The following SBNO2 variants were observed in gnomAD, a reference collection of about 807,000 sequenced individuals.
SBNO2 encodes the protein strawberry notch homolog 2, also known as protein strawberry notch homolog 2.
In SBNO2, 89 loss-of-function variants were observed where a neutral mutation model predicts 146.3. The observed-to-expected ratio is 0.61, with a 90% CI of 0.51 to 0.73. The LOEUF is 0.73. Among genes scored for constraint, SBNO2 ranks in the 30% least tolerant of loss-of-function variants. The pLI is 0.00. For synonymous variants in SBNO2, 1,147 were observed against 892.6 expected (o/e 1.29, Z -5.08); for missense variants, 2,092 against 2,003.7 (o/e 1.04, Z -0.84).
chr19:1,120,177 G>A (rs1055764820), intron 11 of SBNO2, 154 bp from the exon 12 acceptor site: 46 of 628,374 alleles, frequency 7.3e-5, no homozygotes, highest in Non-Finnish European at 1.1e-4. Flanking sequence ...AGTGGCAGCC[G>A]GCTACCATGG....
rs1247082353 is a variant in SBNO2 at position 1,164,678 on chromosome 19, G to GAGGAGGAGGAAC, written c.-127+9493_-127+9494insGTTCCTCCTCCT. 2.3e-4 allele frequency among the ~76,000 whole-genome samples: 21 copies of GAGGAGGAGGAAC among 90,646 alleles called. 1 individual carries two copies. Among genetic ancestry groups the GAGGAGGAGGAAC allele is most frequent in the Admixed American group, 4.2e-4 (3 of 7,178 alleles). 59.5% of individuals were successfully genotyped at this position (90,646 alleles called of 152,430 possible). A position where few individuals can be genotyped will look rare whatever the true frequency, so the allele number is the denominator to read the frequency against. ...GGAGGAGGAGGAGGAACAGGAGGAGGAGGAGGAGGAGGAGGAAGAACAGGA... is the reference window on the plus strand; with the variant it reads ...GGAGGAGGAGGAGGAACAGGAGGAGGAGGAGGAGGAACAGGAGGAGGAGGAGGAAGAACAGGA... On this transcript the variant is annotated intron_variant, in intron 1 of 31. Coordinates refer to ENST00000361757, the MANE Select transcript of SBNO2 (RefSeq NM_014963.3).
chr19:1,154,056 G>A, intron 2 of SBNO2, 128 bp downstream of exon 2: 1 of 431,626 alleles, frequency 2.3e-6, no homozygotes, highest in Non-Finnish European at 3.9e-6. Context: ...TCCGGGCCAG[G>A]AAGGTCAGGT....
At position 1,144,169 on chromosome 19, in the gene SBNO2, C is replaced by T. The variant is rs547400513; in HGVS notation, c.279+3140G>A. ...TCCCACACTTGGCACCGCGGGACCACGCATCCCGTCCCACACTCGACACCA... is the reference window on the plus strand; with the variant it reads ...TCCCACACTTGGCACCGCGGGACCATGCATCCCGTCCCACACTCGACACCA... On this transcript the variant is annotated intron_variant, in intron 4 of 31. Transcript: ENST00000361757. This position sits in a 1 kb window ranked among gnomAD's most constrained non-coding sequence, Gnocchi z 4.1. Among the ~76,000 whole-genome samples, 6 of 152,014 alleles carry T rather than the reference C, an allele frequency of 3.9e-5. No homozygotes were observed. The highest frequency in any genetic ancestry group is 1.4e-4 in the African/African-American group (6 of 41,450).
Position 1,109,891 on chromosome 19 carries a change from G to C in SBNO2, c.3029-114C>G. On this transcript the variant is annotated intron_variant, in intron 26 of 31. Coordinates refer to ENST00000361757, the MANE Select transcript of SBNO2 (RefSeq NM_014963.3). The surrounding 1 kb of genome is among the most constrained non-coding windows in gnomAD (Gnocchi z 4.2). The stretch of plus-strand genomic sequence containing the variant: ...GAGACGACCCCCCGAGAGCACAGGA[G>C]AGGGTGTCCTGGATCCTGGCCTGAC... 1.3e-6 allele frequency: 1 copy of C among 753,018 alleles called. No homozygotes were observed. Among genetic ancestry groups the C allele is most frequent in the Non-Finnish European group, 2.1e-6 (1 of 468,826 alleles). The allele number at this position is 753,018 out of a possible 1,614,324, so 46.6% of individuals were successfully genotyped here.
chr19:1,109,532 A>T lies in SBNO2; in HGVS notation c.3190T>A (p.Tyr1064Asn). Residue 1064 changes from tyrosine (Y) to asparagine (N), a missense_variant, in exon 28 of 32, where the codon TAT becomes AAT. By Grantham distance (143) the Tyr-to-Asn change is moderately radical. Coordinates refer to ENST00000361757, the MANE Select transcript of SBNO2 (RefSeq NM_014963.3). This position sits in a 1 kb window ranked among gnomAD's most constrained non-coding sequence, Gnocchi z 4.2. ...TTGTAGGAGAGGTAGAAGCCGTCATAGGGGCCCGTCAGCGCCAGCGACTTG... is the reference window on the plus strand; with the variant it reads ...TTGTAGGAGAGGTAGAAGCCGTCATTGGGGCCCGTCAGCGCCAGCGACTTG... Reference protein sequence around the residue: ...FAKSLALTGPYDGFYLSYKVR... With the variant: ...FAKSLALTGPNDGFYLSYKVR... The T allele has an allele frequency of 6.3e-7, 1 of 1,599,314 alleles. No individual in the cohort carries two copies.
Position 1,124,020 on chromosome 19 carries a change from C to T in SBNO2, c.444G>A (p.Leu148=), listed in dbSNP as rs746014748. 13 of 1,610,740 alleles carry T rather than the reference C, an allele frequency of 8.1e-6. No individual in the cohort carries two copies. The highest frequency in any genetic ancestry group is 1.7e-4 in the Middle Eastern group (1 of 6,012). Residue 148 remains leucine, a splice_region_variant and synonymous_variant, in exon 6 of 32, where the codon CTG becomes CTA. Coordinates refer to ENST00000361757, the MANE Select transcript of SBNO2 (RefSeq NM_014963.3). ...CTGCAAACGGCCTGCTGAGCTGGAACAGCTGGAAGGGGAGCAGGATGTCAG... is the reference window on the plus strand; with the variant it reads ...CTGCAAACGGCCTGCTGAGCTGGAATAGCTGGAAGGGGAGCAGGATGTCAG... ...DNPAPSTHDK[L]FQLSRPFAGF... is the part of the protein sequence containing the mutation.
chr19:1,163,449 C>A (rs969631558), intron 1 of SBNO2, among the ~76,000 whole-genome samples: 1 of 152,218 alleles, frequency 6.6e-6, no homozygotes, highest in South Asian at 2.1e-4. Context: ...TCTAAGCCAC[C>A]CAGTTTGCAG....
chr19:1,172,227 C>A (rs759777383), intron 1 of SBNO2, among the ~76,000 whole-genome samples: 15 of 152,348 alleles, frequency 9.8e-5, no homozygotes, highest in Admixed American at 7.8e-4. Context: ...AGCCTGCCTG[C>A]GTCTCCTCTG....
At chr19:1,114,644 A>AT (rs1555719301) in intron 17 of SBNO2, among the ~76,000 whole-genome samples, 15 of 124,452 alleles carry the variant, frequency 1.2e-4, no homozygotes, top group South Asian at 4.9e-4. Flanking sequence ...GCCATATTTT[A>AT]TTTATTTATT....
chr19:1,154,793 C>T (rs188003371), intron 1 of SBNO2, among the ~76,000 whole-genome samples: 4 of 152,144 alleles, frequency 2.6e-5, no homozygotes, highest in Non-Finnish European at 4.4e-5. Flanking sequence ...GAGTCCAACC[C>T]GGGCCCGGCA....
intron 1 of SBNO2, among the ~76,000 whole-genome samples, chr19:1,171,478 C>A (rs1346278726): frequency 6.6e-6 from 1 of 152,188 alleles, no homozygotes; most frequent in African/African-American, 2.4e-5. Flanking sequence ...ACACCGCCTC[C>A]AGGAGTGTTT....
At chr19:1,119,728 G>T in intron 12 of SBNO2, 107 bp from the exon 13 acceptor site, 1 of 1,074,084 alleles carries the variant, frequency 9.3e-7, no homozygotes, top group Non-Finnish European at 1.4e-6. Context: ...CGGGGTTGGA[G>T]CCATGGGCCT....
chr19:1,116,748 G>T, intron 16 of SBNO2, 81 bp downstream of exon 16: 2 of 1,276,660 alleles, frequency 1.6e-6, no homozygotes, highest in Non-Finnish European at 1.1e-6. Flanking sequence ...CCAAGGGGCA[G>T]GGTCAGGCCA....
At chr19:1,153,182 T>C (rs560435985) in intron 2 of SBNO2, among the ~76,000 whole-genome samples, 115 of 151,218 alleles carry the variant, frequency 7.6e-4, no homozygotes, top group East Asian at 3.9e-3. Context: ...TAAAATAAAA[T>C]GAAATAAAAT....
At position 1,113,683 on chromosome 19, in the gene SBNO2, C is replaced by T. The variant is rs577184557; in HGVS notation, c.2099G>A (p.Arg700Lys). The part of the protein sequence containing the change: ...DDRGPLCLLQ[R>K]DPHGPGVLER... ...CAGGACCCCGGGGCCATGCGGGTCT[C>T]TCTGCAGGAGGCACAGGGGTCCTAG... Residue 700 changes from arginine to lysine, a missense_variant, in exon 19 of 32, where the codon AGA becomes AAA. Arg to Lys is a conservative substitution (Grantham distance 26). Coordinates refer to ENST00000361757, the MANE Select transcript of SBNO2 (RefSeq NM_014963.3). The T allele has an allele frequency of 2.8e-5, 45 of 1,588,650 alleles. No individual in the cohort carries two copies. The South Asian group carries it at 4.3e-4, about 15-fold the overall frequency.
In SBNO2 at chr19:1,126,203, A is replaced by C. The variant is rs1345574799; in HGVS notation, c.441+1401T>G. Among the ~76,000 whole-genome samples the C allele has an allele frequency of 6.6e-6, 1 of 152,112 alleles. No homozygotes were observed. The highest frequency in any genetic ancestry group is 1.5e-5 in the Non-Finnish European group (1 of 68,018). On this transcript the variant is annotated intron_variant, in intron 5 of 31. Coordinates refer to ENST00000361757, the MANE Select transcript of SBNO2 (RefSeq NM_014963.3). This position sits in a 1 kb window ranked among gnomAD's most constrained non-coding sequence, Gnocchi z 4.4. ...TTTTCTAACACTAGGAACACTCCTG[A>C]GGGTTTTTAAAGAAAGTGGAAGCGT...
chr19:1,153,885 T>C (rs959289301), intron 2 of SBNO2, among the ~76,000 whole-genome samples: 5 of 152,198 alleles, frequency 3.3e-5, no homozygotes, highest in African/African-American at 4.8e-5. Context: ...ACAAGTAAAG[T>C]TGAGCCCCCC....
At chr19:1,113,489 T>A in intron 19 of SBNO2, 46 bp downstream of exon 19, 17 of 1,437,536 alleles carry the variant, frequency 1.2e-5, no homozygotes, top group African/African-American at 1.5e-5. Flanking sequence ...CCCCACCCAC[T>A]GCCCATGCCC....
chr19:1,167,446 C>G (rs973472957), intron 1 of SBNO2, among the ~76,000 whole-genome samples: 1 of 152,194 alleles, frequency 6.6e-6, no homozygotes, highest in Non-Finnish European at 1.5e-5. Context: ...CGCCTGAGCT[C>G]GGCCGGGGGC....
Sources: allele counts gnomAD v4.1 joint callset (sites outside exome capture counted in the v4.1 genomes callset), GRCh38; gene constraint gnomAD v4.1.1; non-coding constraint Gnocchi (gnomAD v3.1); transcripts MANE v1.5; gene names NCBI Gene and HGNC (gene_info 2026-07-23, HGNC 2026-07-21).